The following NTM variants were observed in gnomAD, a reference collection of about 807,000 sequenced individuals.
The protein encoded by NTM is neurotrimin.
Under a neutral mutation model 42.1 loss-of-function variants are expected in NTM, and 13 were observed. The observed-to-expected ratio is 0.31, with a 90% confidence interval of 0.20 to 0.49. The LOEUF (loss-of-function observed/expected upper bound fraction) is 0.49, where lower values mean the gene tolerates loss of function less well. NTM is among the 20% of genes least tolerant of loss of function. The pLI is 0.99. For missense variants in NTM, 373 were observed against 452.8 expected (o/e 0.82, Z 1.60); for synonymous variants, 187 against 179.2 (o/e 1.04, Z -0.35).
At position 131,903,364 on chromosome 11, in the gene NTM, C is replaced by G. The variant is rs112412879; in HGVS notation, c.83-8200C>G. ...GGCAATTAATTTAGATTTAATAGGA[C>G]CGTTACTGTAAGTTTAAATAAATGC... On this transcript the variant is annotated intron_variant, in intron 1 of 8. Coordinates refer to ENST00000683400, the MANE Select transcript of NTM (RefSeq NM_001352005.2). Among the ~76,000 whole-genome samples, 495 of 152,254 alleles carry G rather than the reference C, an allele frequency of 3.3e-3. 1 individual carries two copies. The highest frequency in any genetic ancestry group is 9.7e-3 in the African/African-American group (405 of 41,542).
chr11:131,958,879 T>A (rs563839321), intron 2 of NTM, among the ~76,000 whole-genome samples: 6 of 152,306 alleles, frequency 3.9e-5, no homozygotes, highest in Admixed American at 1.3e-4. Context: ...ATAGGAGCCT[T>A]CGCCAACTAA....
intron 1 of NTM, among the ~76,000 whole-genome samples, chr11:131,438,629 C>T (rs771442381): frequency 3.9e-5 from 6 of 152,274 alleles, no homozygotes; most frequent in Admixed American, 6.5e-5. Context: ...TTTTCAGCTC[C>T]GTTGGGTCAT....
At chr11:131,573,016 T>C (rs1469315063) in intron 1 of NTM, among the ~76,000 whole-genome samples, 1 of 152,162 alleles carries the variant, frequency 6.6e-6, no homozygotes, top group Non-Finnish European at 1.5e-5. Flanking sequence ...CAGGACCATG[T>C]AAAGATCTCA....
At chr11:132,297,844 G>T (rs1384787406) in intron 4 of NTM, among the ~76,000 whole-genome samples, 1 of 152,114 alleles carries the variant, frequency 6.6e-6, no homozygotes, top group Non-Finnish European at 1.5e-5. Flanking sequence ...GAGAGCTGTA[G>T]AATCTCTTCT....
At chr11:131,847,415 A>G (rs193216233) in intron 1 of NTM, among the ~76,000 whole-genome samples, 112 of 152,248 alleles carry the variant, frequency 7.4e-4, no homozygotes, top group Middle Eastern at 3.4e-3. Flanking sequence ...AGGGAATGAG[A>G]TGAGAGGAGG....
chr11:132,320,645 CA>C (rs759607816), intron 7 of NTM, among the ~76,000 whole-genome samples: 11 of 152,156 alleles, frequency 7.2e-5, no homozygotes, highest in Non-Finnish European at 1.3e-4. Context: ...ACAAAGCAGC[CA>C]GAAAGCTCGA....
intron 1 of NTM, among the ~76,000 whole-genome samples, chr11:131,473,892 C>T (rs1009989209): frequency 1.3e-5 from 2 of 152,190 alleles, no homozygotes; most frequent in African/African-American, 4.8e-5. Context: ...CTTTTGACTA[C>T]CTTTTCTTGA....
At chr11:131,942,272 A>G (rs937936034) in intron 2 of NTM, among the ~76,000 whole-genome samples, 1 of 152,158 alleles carries the variant, frequency 6.6e-6, no homozygotes, top group Non-Finnish European at 1.5e-5. Context: ...ATTAATTCTT[A>G]CTTGTGCAAT....
At chr11:132,236,352 GA>G (rs1209956662) in intron 4 of NTM, among the ~76,000 whole-genome samples, 1 of 152,106 alleles carries the variant, frequency 6.6e-6, no homozygotes, top group Non-Finnish European at 1.5e-5. Flanking sequence ...CGTATCTATA[GA>G]AACTAATTTT....
At chr11:131,454,984 A>G (rs1161816051) in intron 1 of NTM, among the ~76,000 whole-genome samples, 1 of 152,198 alleles carries the variant, frequency 6.6e-6, no homozygotes, top group Non-Finnish European at 1.5e-5. Flanking sequence ...ACAATCTTTA[A>G]TATTTTTAAT....
At chr11:131,717,410 C>T (rs2077824245) in intron 1 of NTM, among the ~76,000 whole-genome samples, 2 of 152,122 alleles carry the variant, frequency 1.3e-5, no homozygotes, top group African/African-American at 4.8e-5. Context: ...TCTTTCACTG[C>T]AATTTTGTAG....
chr11:131,829,676 T>A (rs1377810834), intron 1 of NTM, among the ~76,000 whole-genome samples: 3 of 152,090 alleles, frequency 2.0e-5, no homozygotes, highest in Non-Finnish European at 4.4e-5. Flanking sequence ...TGGTAGAATG[T>A]TTTATTTTCT....
chr11:131,518,762 T>A (rs2049210967), intron 1 of NTM, among the ~76,000 whole-genome samples: 1 of 152,204 alleles, frequency 6.6e-6, no homozygotes, highest in South Asian at 2.1e-4. Context: ...TGCAAGAAGC[T>A]AATGTGTATA....
rs183980764 is a variant in NTM, at chr11:131,448,061, C to T, written c.82+77173C>T. 2.6e-5 allele frequency among the ~76,000 whole-genome samples: 4 copies of T among 152,346 alleles called. No individual in the cohort carries two copies. The East Asian group carries it at 5.8e-4, about 22-fold the overall frequency. ...CCCCCACCCTGCCCTGCTGCCAGAC[C>T]ACATCTGTCCTGTGCCACCTCTCAG... On this transcript the variant is annotated intron_variant, in intron 1 of 8. Coordinates refer to ENST00000683400, the MANE Select transcript of NTM (RefSeq NM_001352005.2).
At chr11:132,244,252 G>A (rs1408039168) in intron 4 of NTM, among the ~76,000 whole-genome samples, 1 of 152,198 alleles carries the variant, frequency 6.6e-6, no homozygotes, top group African/African-American at 2.4e-5. Flanking sequence ...ACATATGTGT[G>A]CTCATCCTGG....
intron 3 of NTM, among the ~76,000 whole-genome samples, chr11:132,169,320 C>CTTTACTTTTTT (rs2075776577): frequency 3.1e-5 from 1 of 32,358 alleles, no homozygotes; most frequent in Non-Finnish European, 5.4e-5. Context: ...AATTTTTTTA[C>CTTTACTTTTTT]TTTTTTTTTT....
intron 2 of NTM, among the ~76,000 whole-genome samples, chr11:131,925,491 C>A (rs1205629951): frequency 6.7e-6 from 1 of 150,092 alleles, no homozygotes; most frequent in African/African-American, 2.5e-5. Context: ...GCTCAGGTTA[C>A]CTTCCCACCT....
chr11:131,639,446 TA>T (rs1370194782), intron 1 of NTM, among the ~76,000 whole-genome samples: 2 of 152,162 alleles, frequency 1.3e-5, no homozygotes, highest in Non-Finnish European at 2.9e-5. Flanking sequence ...CTTAGAAAAC[TA>T]AAAAAATTAC....
chr11:132,286,157 A>G (rs754996624), intron 4 of NTM, among the ~76,000 whole-genome samples: 2 of 152,202 alleles, frequency 1.3e-5, no homozygotes, highest in Admixed American at 6.5e-5. Flanking sequence ...GAATGCATCC[A>G]TATATTTAAA....
Sources: gnomAD v4.1 joint callset for allele counts (sites outside exome capture counted in the v4.1 genomes callset) on GRCh38, gnomAD v4.1.1 for gene constraint, MANE v1.5 for transcripts, NCBI Gene and HGNC (gene_info 2026-07-23, HGNC 2026-07-21) for gene names.